Variants in ZFPM1 observed in about 807,000 individuals in gnomAD.
ZFPM1 encodes zinc finger protein ZFPM1.
A neutral mutation model predicts 46.3 loss-of-function variants in ZFPM1; 28 were observed. The observed-to-expected ratio is 0.60, with a 90% confidence interval of 0.45 to 0.83. The LOEUF (loss-of-function observed/expected upper bound fraction) is 0.83, where lower values mean the gene tolerates loss of function less well. ZFPM1 is among the 40% of genes least tolerant of loss of function. The pLI is 0.00. For synonymous variants in ZFPM1, 957 were observed against 675.9 expected (o/e 1.42, Z -6.45); for missense variants, 1,878 against 1,432.4 (o/e 1.31, Z -5.02).
chr16:88,506,382 G>T (rs944328726), intron 3 of ZFPM1, among the ~76,000 whole-genome samples: 1 of 152,108 alleles, frequency 6.6e-6, no homozygotes, highest in Non-Finnish European at 1.5e-5. Flanking sequence ...GGCGCTGGGG[G>T]GCCTTAGGCA....
intron 6 of ZFPM1, 113 bp downstream of exon 6, chr16:88,528,351 AGAGT>A: frequency 8.2e-7 from 1 of 1,215,496 alleles, no homozygotes; most frequent in Non-Finnish European, 1.1e-6. Context: ...GGCTGCCGAC[AGAGT>A]GAGAGGTAAG....
chr16:88,497,873 T>C lies in ZFPM1; in HGVS notation c.268+8720T>C, dbSNP rs1293259354. ...TCTGACTAATCTCGCCGGCGGAGCG[T>C]CTACGCAAACCTCAAGGCCTGCTAT... On this transcript the variant is annotated intron_variant, in intron 3 of 9. Transcript: ENST00000319555. This position sits in a 1 kb window ranked among gnomAD's most constrained non-coding sequence, Gnocchi z 5.4. Among the ~76,000 whole-genome samples the C allele has an allele frequency of 6.6e-6, 1 of 152,124 alleles. No homozygotes were observed. Among genetic ancestry groups the C allele is most frequent in the Non-Finnish European group, 1.5e-5 (1 of 68,006 alleles).
Position 88,522,280 on chromosome 16 carries a change from G to T in ZFPM1, c.403-4534G>T, listed in dbSNP as rs540294378. Among the ~76,000 whole-genome samples, 3 of 152,348 alleles carry T rather than the reference G, an allele frequency of 2.0e-5. No homozygotes were observed. In the South Asian group the frequency reaches 6.2e-4, roughly 32 times the overall value. ...GGTCGAGGGAGACAGAGGCACTGAG[G>T]GACCAGCTGGTGCCTCTGTTAAGGT... On this transcript the variant is annotated intron_variant, in intron 4 of 9. Coordinates refer to ENST00000319555, the MANE Select transcript of ZFPM1 (RefSeq NM_153813.3).
At chr16:88,468,415 TCAA>T (rs1908257101) in intron 1 of ZFPM1, among the ~76,000 whole-genome samples, 1 of 152,158 alleles carries the variant, frequency 6.6e-6, no homozygotes, top group Admixed American at 6.5e-5. Flanking sequence ...GAAGTCGCTC[TCAA>T]CAGGCCCCCA....
In ZFPM1 at chr16:88,535,040, C is replaced by A. The variant is rs962801152; in HGVS notation, c.*61C>A. ...CCGCTGCGATGCGGGGAGGGGGCCG[C>A]CCCCAGGCCGCACGGACTGCCGCTC... On this transcript the variant is annotated 3_prime_UTR_variant, in exon 10 of 10. Coordinates refer to ENST00000319555, the MANE Select transcript of ZFPM1 (RefSeq NM_153813.3). The A allele has an allele frequency of 2.4e-5, 32 of 1,349,434 alleles. No homozygotes were observed. The African/African-American group carries it at 4.4e-4, about 18-fold the overall frequency. The allele number at this position is 1,349,434 out of a possible 1,614,324, so 83.6% of individuals were successfully genotyped here.
intron 3 of ZFPM1, among the ~76,000 whole-genome samples, chr16:88,502,472 G>A (rs555701908): frequency 2.8e-4 from 43 of 152,226 alleles, no homozygotes; most frequent in African/African-American, 1.0e-3. Context: ...TGGGCCGCCC[G>A]GGGCCATGGA....
intron 4 of ZFPM1, chr16:88,516,593 A>C (rs899833246): frequency 4.3e-5 from 17 of 398,574 alleles, no homozygotes; most frequent in Non-Finnish European, 6.6e-5. Context: ...CCGAGTGTCC[A>C]GACACACCGT....
At chr16:88,458,903 G>A (rs1907676826) in intron 1 of ZFPM1, among the ~76,000 whole-genome samples, 1 of 152,130 alleles carries the variant, frequency 6.6e-6, no homozygotes, top group Admixed American at 6.5e-5. Flanking sequence ...GCCCTGCCTG[G>A]TGAGTCCCGC....
At position 88,497,436 on chromosome 16, in the gene ZFPM1, T is replaced by C. The variant is rs1331438206; in HGVS notation, c.268+8283T>C. Among the ~76,000 whole-genome samples the C allele has an allele frequency of 0.03, 639 of 20,976 alleles. 27 individuals carry two copies. Among genetic ancestry groups the C allele is most frequent in the African/African-American group, 0.1 (552 of 5,526 alleles). The allele number at this position is 20,976 out of a possible 152,430, so 13.8% of individuals were successfully genotyped here. Reference sequence around the variant, plus strand: ...AGGGGTCAGGGTGGGGCTCAGGGCCTGGGCGGGGATGGGGTTCAGAGGGGT... The same window carrying C: ...AGGGGTCAGGGTGGGGCTCAGGGCCCGGGCGGGGATGGGGTTCAGAGGGGT... On this transcript the variant is annotated intron_variant, in intron 3 of 9. Coordinates refer to ENST00000319555, the MANE Select transcript of ZFPM1 (RefSeq NM_153813.3). The surrounding 1 kb of genome is among the most constrained non-coding windows in gnomAD (Gnocchi z 5.4).
intron 6 of ZFPM1, among the ~76,000 whole-genome samples, chr16:88,530,133 A>T (rs1434149015): frequency 6.6e-6 from 1 of 151,888 alleles, no homozygotes; most frequent in Non-Finnish European, 1.5e-5. Flanking sequence ...CAGGATGGAG[A>T]GGGGGTGCCC....
At chr16:88,504,620 A>G (rs749091532) in intron 3 of ZFPM1, among the ~76,000 whole-genome samples, 5 of 152,000 alleles carry the variant, frequency 3.3e-5, no homozygotes, top group Non-Finnish European at 7.4e-5. Flanking sequence ...GGCCCCGTGC[A>G]CAGACCCCTT....
At chr16:88,518,006 C>G (rs971088188) in intron 4 of ZFPM1, among the ~76,000 whole-genome samples, 2 of 151,794 alleles carry the variant, frequency 1.3e-5, no homozygotes, top group East Asian at 1.9e-4. Flanking sequence ...GTCAGGAGAT[C>G]GAGACCATCC....
chr16:88,523,735 G>GC (rs1912083021), intron 4 of ZFPM1, among the ~76,000 whole-genome samples: 2 of 152,300 alleles, frequency 1.3e-5, no homozygotes, highest in South Asian at 2.1e-4. Flanking sequence ...GGCAGTGGGG[G>GC]CCGTGGCAGG....
At chr16:88,486,564 T>TGC in intron 2 of ZFPM1, among the ~76,000 whole-genome samples, 2 of 144,578 alleles carry the variant, frequency 1.4e-5, no homozygotes, top group Middle Eastern at 4.3e-3. Context: ...GGGTGCTGGG[T>TGC]ACACAGTGGG....
intron 4 of ZFPM1, chr16:88,516,000 G>T: frequency 2.5e-6 from 1 of 397,068 alleles, no homozygotes; most frequent in South Asian, 1.4e-4. Flanking sequence ...CAAGGGCAAA[G>T]ACCGTAGGGG....
chr16:88,493,272 C>G (rs1337108516), intron 3 of ZFPM1, among the ~76,000 whole-genome samples: 10 of 145,056 alleles, frequency 6.9e-5, no homozygotes, highest in Middle Eastern at 4.0e-3. Flanking sequence ...GGGAGCTGTC[C>G]CGGAGTGAGG....
intron 3 of ZFPM1, among the ~76,000 whole-genome samples, chr16:88,508,103 CCTGGCCAA>C (rs1303457027): frequency 6.6e-6 from 1 of 152,134 alleles, no homozygotes; most frequent in Non-Finnish European, 1.5e-5. Flanking sequence ...TCAAGACACG[CCTGGCCAA>C]CATGGCGAAA....
Position 88,535,120 on chromosome 16 carries a change from C to T in ZFPM1, c.*141C>T, listed in dbSNP as rs370048682. The T allele has an allele frequency of 9.6e-7, 1 of 1,043,742 alleles. No homozygotes were observed. The highest frequency in any genetic ancestry group is 1.3e-6 in the Non-Finnish European group (1 of 797,690). 64.7% of individuals were successfully genotyped at this position (1,043,742 alleles called of 1,614,324 possible). A position where few individuals can be genotyped will look rare whatever the true frequency, so the allele number is the denominator to read the frequency against. On this transcript the variant is annotated 3_prime_UTR_variant, in exon 10 of 10. Transcript: ENST00000319555. ...CGGAGGGGGCCGCAGGGGGCAGCGCCCGCCTGGACCCTTGGCACTTAATAA... is the reference window on the plus strand; with the variant it reads ...CGGAGGGGGCCGCAGGGGGCAGCGCTCGCCTGGACCCTTGGCACTTAATAA...
Position 88,466,323 on chromosome 16 carries a change from C to T in ZFPM1, c.40+12645C>T, listed in dbSNP as rs538062424. On this transcript the variant is annotated intron_variant, in intron 1 of 9. Coordinates refer to ENST00000319555, the MANE Select transcript of ZFPM1 (RefSeq NM_153813.3). ...CAGCCCTGGGAGGGGCGCCTATGAC[C>T]TCATTCTCCTCAGAGAACTGAAGGC... is the stretch of plus-strand genomic sequence containing the variant. Among the ~76,000 whole-genome samples the T allele has an allele frequency of 2.6e-5, 4 of 152,340 alleles. No individual in the cohort carries two copies. In the East Asian group the frequency reaches 5.8e-4, roughly 22 times the overall value.
Sources: gnomAD v4.1 joint callset for allele counts (sites outside exome capture counted in the v4.1 genomes callset) on GRCh38, gnomAD v4.1.1 for gene constraint, Gnocchi (gnomAD v3.1) non-coding constraint, MANE v1.5 for transcripts, NCBI Gene and HGNC (gene_info 2026-07-23, HGNC 2026-07-21) for gene names.